The following DLG2 variants were observed in gnomAD, a reference collection of about 807,000 sequenced individuals.
DLG2 encodes the protein discs large MAGUK scaffold protein 2.
DLG2 carries 45 observed loss-of-function variants against 132.5 expected under a neutral mutation model. The ratio of observed to expected loss-of-function variants is 0.34; its 90% confidence interval spans 0.27 to 0.44. DLG2 has a LOEUF of 0.44. DLG2 is among the 20% of genes least tolerant of loss of function. The probability of loss-of-function intolerance (pLI) is 1.00; values close to 1 mark genes in which losing one functional copy is unlikely to be tolerated. For missense variants in DLG2, 1,045 were observed against 1,196.9 expected, an observed-to-expected ratio of 0.87 and a Z score of 1.87; for synonymous variants, 424 against 419.6, an observed-to-expected ratio of 1.01 and a Z score of -0.13.
At chr11:85,175,415 T>G (rs2079163362) in intron 4 of DLG2, among the ~76,000 whole-genome samples, 1 of 152,122 alleles carries the variant, frequency 6.6e-6, no homozygotes, top group South Asian at 2.1e-4. Context: ...ACATTCAACA[T>G]CCTTTTATGT....
chr11:83,886,562 A>G (rs1286262564), intron 15 of DLG2, among the ~76,000 whole-genome samples: 1 of 152,180 alleles, frequency 6.6e-6, no homozygotes, highest in East Asian at 1.9e-4. Context: ...TAAAAAGGAT[A>G]CCCAGGAATT....
intron 7 of DLG2, among the ~76,000 whole-genome samples, chr11:84,398,549 T>C (rs2098818711): frequency 6.6e-6 from 1 of 152,196 alleles, no homozygotes; most frequent in Non-Finnish European, 1.5e-5. Context: ...AATATAGGAT[T>C]TGCAATAAAT....
intron 14 of DLG2, among the ~76,000 whole-genome samples, chr11:83,933,512 T>C (rs1483293109): frequency 2.0e-5 from 3 of 152,236 alleles, no homozygotes; most frequent in Admixed American, 6.5e-5. Context: ...TAATTGCAGG[T>C]TCTTATAGCA....
intron 19 of DLG2, among the ~76,000 whole-genome samples, chr11:83,582,422 G>A (rs1389556122): frequency 6.6e-6 from 1 of 152,124 alleles, no homozygotes; most frequent in East Asian, 1.9e-4. Flanking sequence ...TTTCACCTCA[G>A]GTCTGTGTAC....
intron 6 of DLG2, among the ~76,000 whole-genome samples, chr11:84,558,211 C>G (rs1168806723): frequency 2.0e-5 from 3 of 152,132 alleles, no homozygotes; most frequent in Admixed American, 2.0e-4. Context: ...AAAAACTTCA[C>G]TAAGTGGTTT....
At chr11:85,018,271 T>C (rs2059732843) in intron 6 of DLG2, among the ~76,000 whole-genome samples, 1 of 152,156 alleles carries the variant, frequency 6.6e-6, no homozygotes, top group Non-Finnish European at 1.5e-5. Context: ...TCCTCACTTA[T>C]CAATTAAAAG....
intron 6 of DLG2, among the ~76,000 whole-genome samples, chr11:84,965,002 T>C (rs775312500): frequency 6.6e-6 from 1 of 152,118 alleles, no homozygotes; most frequent in African/African-American, 2.4e-5. Flanking sequence ...TTCATAATTA[T>C]CTTTGGAAGG....
chr11:84,893,782 G>A (rs2089794019), intron 6 of DLG2, among the ~76,000 whole-genome samples: 1 of 152,148 alleles, frequency 6.6e-6, no homozygotes, highest in Non-Finnish European at 1.5e-5. Context: ...AACTGTGTAA[G>A]TAGATGCTAT....
intron 8 of DLG2, among the ~76,000 whole-genome samples, chr11:84,237,205 G>GGT (rs1205309381): frequency 6.6e-6 from 1 of 152,094 alleles, no homozygotes; most frequent in Non-Finnish European, 1.5e-5. Context: ...TGGGATTACA[G>GGT]GTGTGAGCCA....
chr11:84,441,113 C>G (rs191582797), intron 7 of DLG2, among the ~76,000 whole-genome samples: 143 of 149,548 alleles, frequency 9.6e-4, no homozygotes, highest in Middle Eastern at 3.4e-3. Context: ...AGTCCTTTGG[C>G]TAATGTCTGA....
chr11:85,370,429 T>A (rs1461119981), intron 3 of DLG2, among the ~76,000 whole-genome samples: 1 of 152,220 alleles, frequency 6.6e-6, no homozygotes, highest in East Asian at 1.9e-4. Flanking sequence ...CAGAAGAGGT[T>A]CTTCATGTGA....
intron 7 of DLG2, among the ~76,000 whole-genome samples, chr11:84,436,637 G>A (rs2099001625): frequency 6.6e-6 from 1 of 152,152 alleles, no homozygotes; most frequent in Admixed American, 6.5e-5. Context: ...GAGAATTAGA[G>A]ATGTAAGCTA....
intron 6 of DLG2, among the ~76,000 whole-genome samples, chr11:84,858,009 T>C (rs1401527396): frequency 6.6e-6 from 1 of 151,928 alleles, no homozygotes; most frequent in Non-Finnish European, 1.5e-5. Flanking sequence ...CCACCTTTTT[T>C]AGCCTCTTGA....
chr11:84,343,571 A>C (rs1440624331), intron 7 of DLG2, among the ~76,000 whole-genome samples: 4 of 152,206 alleles, frequency 2.6e-5, no homozygotes, highest in Non-Finnish European at 5.9e-5. Context: ...TCAGATGTTT[A>C]ACACACACGG....
intron 6 of DLG2, among the ~76,000 whole-genome samples, chr11:84,952,065 A>G (rs887338344): frequency 6.6e-6 from 1 of 152,218 alleles, no homozygotes; most frequent in Non-Finnish European, 1.5e-5. Flanking sequence ...GTCCTTTTCT[A>G]ATAAACAATG....
intron 4 of DLG2, among the ~76,000 whole-genome samples, chr11:85,251,769 C>T (rs1489193187): frequency 1.3e-5 from 2 of 151,852 alleles, no homozygotes; most frequent in South Asian, 2.1e-4. Flanking sequence ...ATATATTAGG[C>T]CATAATTAGT....
intron 7 of DLG2, among the ~76,000 whole-genome samples, chr11:84,380,414 G>T (rs537468456): frequency 8.5e-4 from 129 of 152,098 alleles, no homozygotes; most frequent in Non-Finnish European, 1.6e-3. Flanking sequence ...AAACAATGTT[G>T]TTGACCACAA....
intron 6 of DLG2, among the ~76,000 whole-genome samples, chr11:84,657,312 G>C (rs532214946): frequency 2.0e-4 from 30 of 152,280 alleles, no homozygotes; most frequent in African/African-American, 6.5e-4. Context: ...ATGGCAAACA[G>C]GGGCTTTGAT....
intron 7 of DLG2, among the ~76,000 whole-genome samples, chr11:84,422,378 G>C (rs73523744): frequency 3.9e-4 from 60 of 152,192 alleles, no homozygotes; most frequent in African/African-American, 1.4e-3. Flanking sequence ...TGGGCACATT[G>C]GTCATGCTCT....
Sources: allele counts gnomAD v4.1 joint callset (sites outside exome capture counted in the v4.1 genomes callset), GRCh38; gene constraint gnomAD v4.1.1; transcripts MANE v1.5; gene names NCBI Gene and HGNC (gene_info 2026-07-23, HGNC 2026-07-21).